Variants in PAPSS1 observed in about 807,000 individuals in gnomAD.
The protein encoded by PAPSS1 is bifunctional 3'-phosphoadenosine 5'-phosphosulfate synthase 1.
A neutral mutation model predicts 72.0 loss-of-function variants in PAPSS1; 50 were observed. That is an observed-to-expected ratio of 0.69 (90% CI 0.55 to 0.88). The LOEUF is 0.88. PAPSS1 is among the 40% of genes least tolerant of loss of function. The probability of loss-of-function intolerance (pLI) is 0.00; values close to 1 mark genes in which losing one functional copy is unlikely to be tolerated. For missense variants in PAPSS1, 657 were observed against 782.2 expected (o/e 0.84, Z 1.91); for synonymous variants, 261 against 263.6 (o/e 0.99, Z 0.09).
intron 1 of PAPSS1, among the ~76,000 whole-genome samples, chr4:107,712,315 G>A (rs1003189760): frequency 2.6e-5 from 4 of 152,044 alleles, no homozygotes; most frequent in African/African-American, 7.2e-5. Context: ...TTCATAAAAA[G>A]AACTAGTTAT....
In PAPSS1 at chr4:107,717,246, CTAG is replaced by C. The variant is rs1723661908; in HGVS notation, c.60+2871_60+2873del. ...TACTTTTTACTTTTTAATGTGGTAT[CTAG>C]TAAATGTTGAATTATATACATGGCT... On this transcript the variant is annotated intron_variant, in intron 1 of 11. Transcript: ENST00000265174. Among the ~76,000 whole-genome samples, 3 of 152,000 alleles carry C rather than the reference CTAG, an allele frequency of 2.0e-5. No individual in the cohort carries two copies. The South Asian group carries it at 6.2e-4, about 31-fold the overall frequency.
chr4:107,714,920 T>A (rs1723596348), intron 1 of PAPSS1, among the ~76,000 whole-genome samples: 2 of 152,128 alleles, frequency 1.3e-5, no homozygotes, highest in Non-Finnish European at 2.9e-5. Flanking sequence ...GAAGCCAGGG[T>A]GCAAAACTGC....
chr4:107,701,323 A>G, intron 1 of PAPSS1, 38 bp from the exon 2 acceptor site: 1 of 1,299,776 alleles, frequency 7.7e-7, no homozygotes, highest in South Asian at 1.2e-5. Flanking sequence ...AGTTTACATG[A>G]GTCCTTTAAA....
chr4:107,619,675 G>C (rs1725906689), intron 11 of PAPSS1, among the ~76,000 whole-genome samples: 1 of 152,150 alleles, frequency 6.6e-6, no homozygotes, highest in Non-Finnish European at 1.5e-5. Flanking sequence ...TAATAAATAA[G>C]GGACCTTAGG....
At chr4:107,708,836 C>T (rs1478662917) in intron 1 of PAPSS1, among the ~76,000 whole-genome samples, 1 of 152,196 alleles carries the variant, frequency 6.6e-6, no homozygotes, top group Non-Finnish European at 1.5e-5. Context: ...TAAGTTCAGC[C>T]TAAAGGTTTC....
At chr4:107,646,730 A>G (rs1726706736) in intron 9 of PAPSS1, among the ~76,000 whole-genome samples, 1 of 152,118 alleles carries the variant, frequency 6.6e-6, no homozygotes, top group Non-Finnish European at 1.5e-5. Flanking sequence ...CAGGTGCCTG[A>G]GGTCACTGAG....
At chr4:107,619,634 T>G (rs1725906123) in intron 11 of PAPSS1, among the ~76,000 whole-genome samples, 1 of 152,172 alleles carries the variant, frequency 6.6e-6, no homozygotes, top group Non-Finnish European at 1.5e-5. Flanking sequence ...CACCTGTGAG[T>G]AATCAGGAAT....
In PAPSS1 at chr4:107,661,298, T is replaced by C. The variant is rs573499119; in HGVS notation, c.670-1226A>G. On this transcript the variant is annotated intron_variant, in intron 5 of 11. Coordinates refer to ENST00000265174, the MANE Select transcript of PAPSS1 (RefSeq NM_005443.5). ...TACTTTGGAAAACATTTTGCCAGTT[T>C]GTTACAAAACTAAACATACTCTTAT... Among the ~76,000 whole-genome samples the C allele has an allele frequency of 1.6e-4, 24 of 152,342 alleles. No homozygotes were observed. The South Asian group carries it at 4.8e-3, about 30-fold the overall frequency.
chr4:107,689,533 T>C (rs550835275), intron 3 of PAPSS1, among the ~76,000 whole-genome samples: 1 of 152,294 alleles, frequency 6.6e-6, no homozygotes, highest in Non-Finnish European at 1.5e-5. Context: ...CTTTTTCCAG[T>C]ATATTAAAAT....
chr4:107,614,443 A>T (rs1204157028), intron 11 of PAPSS1, 56 bp from the exon 12 acceptor site: 18 of 1,426,434 alleles, frequency 1.3e-5, no homozygotes, highest in Non-Finnish European at 1.6e-5. Flanking sequence ...TTAGATTTTT[A>T]AAAAGCATTT....
Position 107,614,294 on chromosome 4 carries a change from A to C in PAPSS1, c.1830T>G (p.Ala610=). Residue 610 remains alanine, a synonymous_variant, in exon 12 of 12, where the codon GCT becomes GCG. Coordinates refer to ENST00000265174, the MANE Select transcript of PAPSS1 (RefSeq NM_005443.5). ...TGTAGTATTCTGTCAGCACGGTCCA[A>C]GCCTTGGGAGCCATGAAACCTTCAG... ...KPPEGFMAPK[A]WTVLTEYYKS... 1.2e-6 allele frequency: 2 copies of C among 1,614,072 alleles called. No individual in the cohort carries two copies. The highest frequency in any genetic ancestry group is 1.7e-6 in the Non-Finnish European group (2 of 1,179,930).
At chr4:107,615,454 C>T (rs1725795982) in intron 11 of PAPSS1, among the ~76,000 whole-genome samples, 1 of 152,140 alleles carries the variant, frequency 6.6e-6, no homozygotes, top group Non-Finnish European at 1.5e-5. Context: ...TACCAAGTGG[C>T]CCTGGCTTCT....
intron 1 of PAPSS1, 24 bp downstream of exon 1, chr4:107,720,096 G>A (rs747420989): frequency 6.3e-7 from 1 of 1,598,324 alleles, no homozygotes; most frequent in East Asian, 2.3e-5. Context: ...GCTCCTCGCC[G>A]TCTCGCCTTC....
chr4:107,687,657 T>C (rs1184493246), intron 3 of PAPSS1, among the ~76,000 whole-genome samples: 1 of 152,196 alleles, frequency 6.6e-6, no homozygotes, highest in Non-Finnish European at 1.5e-5. Context: ...AACTTAACTT[T>C]TCTGCTCCTA....
At chr4:107,621,080 G>C (rs1578378629) in intron 11 of PAPSS1, among the ~76,000 whole-genome samples, 1 of 152,128 alleles carries the variant, frequency 6.6e-6, no homozygotes, top group Admixed American at 6.5e-5. Flanking sequence ...GTTTTTAAGA[G>C]GAGTGGGAAG....
intron 10 of PAPSS1, among the ~76,000 whole-genome samples, chr4:107,634,797 A>ATTTTTTTTTTTT (rs3083966): frequency 8.6e-6 from 1 of 116,010 alleles, no homozygotes; most frequent in African/African-American, 3.6e-5. Flanking sequence ...TATTCTAGAC[A>ATTTTTTTTTTTT]TTTTTTTTTT....
At chr4:107,694,936 G>T (rs1004446207) in intron 2 of PAPSS1, among the ~76,000 whole-genome samples, 1 of 127,676 alleles carries the variant, frequency 7.8e-6, no homozygotes, top group Non-Finnish European at 1.7e-5. Context: ...TGGTAGTACA[G>T]AAGGCTAACT....
intron 11 of PAPSS1, among the ~76,000 whole-genome samples, chr4:107,615,719 C>A (rs1199434942): frequency 6.6e-6 from 1 of 152,014 alleles, no homozygotes; most frequent in Non-Finnish European, 1.5e-5. Flanking sequence ...ATAAAATAAC[C>A]AGGACACAAA....
intron 10 of PAPSS1, among the ~76,000 whole-genome samples, chr4:107,635,839 C>T (rs1726363183): frequency 6.6e-6 from 1 of 152,064 alleles, no homozygotes; most frequent in Non-Finnish European, 1.5e-5. Flanking sequence ...TTCTTATCAC[C>T]CGAAATAGCA....
Sources: gnomAD v4.1 joint callset for allele counts (sites outside exome capture counted in the v4.1 genomes callset) on GRCh38, gnomAD v4.1.1 for gene constraint, MANE v1.5 for transcripts, NCBI Gene and HGNC (gene_info 2026-07-23, HGNC 2026-07-21) for gene names.